Variants in IL1R1 observed in about 807,000 individuals in gnomAD.
The protein encoded by IL1R1 is interleukin 1 receptor type 1.
Under a neutral mutation model 50.2 loss-of-function variants are expected in IL1R1, and 22 were observed. That is an observed-to-expected ratio of 0.44 (90% CI 0.31 to 0.63). The LOEUF (loss-of-function observed/expected upper bound fraction) is 0.63. Ranked by LOEUF, IL1R1 falls within the 20% of genes least tolerant of loss-of-function variation. The pLI, the probability that IL1R1 is intolerant of heterozygous loss-of-function variation, is 0.07. For missense variants in IL1R1, 509 were observed against 676.2 expected, an observed-to-expected ratio of 0.75 and a Z score of 2.74; for synonymous variants, 251 against 236.7, an observed-to-expected ratio of 1.06 and a Z score of -0.55.
chr2:102,174,792 G>A lies in IL1R1; in HGVS notation c.1135+62G>A, dbSNP rs1685977265. The stretch of plus-strand genomic sequence containing the variant: ...AGATAAGGGATAGTTAGGAGATGTA[G>A]AAGATGACTAAGAGGGTTTTTACTA... On this transcript the variant is annotated intron_variant, in intron 10 of 11. Transcript: ENST00000410023. 2.1e-6 allele frequency: 3 copies of A among 1,402,068 alleles called. No homozygotes were observed. The African/African-American group carries it at 4.4e-5, about 20-fold the overall frequency. The allele number at this position is 1,402,068 out of a possible 1,614,324, so 86.9% of individuals were successfully genotyped here.
intron 2 of IL1R1, among the ~76,000 whole-genome samples, chr2:102,155,147 A>T (rs1577982782): frequency 6.6e-6 from 1 of 152,264 alleles, no homozygotes; most frequent in East Asian, 1.9e-4. Flanking sequence ...TGGTTAACTG[A>T]AAACATTTTA....
chr2:102,152,902 A>T (rs1371272834), intron 1 of IL1R1, among the ~76,000 whole-genome samples: 2 of 152,176 alleles, frequency 1.3e-5, no homozygotes, highest in Non-Finnish European at 2.9e-5. Context: ...GTGTTGAACT[A>T]GTCAGGCTGT....
chr2:102,151,179 C>T (rs922012291), intron 1 of IL1R1, among the ~76,000 whole-genome samples: 1 of 152,124 alleles, frequency 6.6e-6, no homozygotes, highest in Non-Finnish European at 1.5e-5. Context: ...GTTCCCTCTC[C>T]TCAGGGTCAT....
intron 1 of IL1R1, among the ~76,000 whole-genome samples, chr2:102,122,799 C>G (rs1681472702): frequency 6.6e-6 from 1 of 152,224 alleles, no homozygotes; most frequent in Admixed American, 6.5e-5. Flanking sequence ...AACACAGTCA[C>G]TCTGCATCTC....
chr2:102,131,285 A>G lies in IL1R1; in HGVS notation c.-83-22656A>G, dbSNP rs567103625. On this transcript the variant is annotated intron_variant, in intron 1 of 10. Coordinates refer to the IL1R1 transcript ENST00000409329. ...ATTCTCAATAACTCAAATGCATCCT[A>G]AGACACAAAAATATTCAGCATCTAA... Among the ~76,000 whole-genome samples, 115 of 152,312 alleles carry G rather than the reference A, an allele frequency of 7.6e-4. 4 individuals are homozygous for G. The South Asian group carries it at 0.023, about 31-fold the overall frequency.
intron 1 of IL1R1, among the ~76,000 whole-genome samples, chr2:102,127,657 CTGTG>C (rs60587758): frequency 0.032 from 4,624 of 144,806 alleles, 84 homozygotes; most frequent in Middle Eastern, 0.057. Context: ...GTGTGTGTGA[CTGTG>C]TGTGTGTGTG....
At chr2:102,152,429 C>T (rs941086757) in intron 1 of IL1R1, among the ~76,000 whole-genome samples, 5 of 133,776 alleles carry the variant, frequency 3.7e-5, no homozygotes, top group Admixed American at 8.8e-5. Context: ...GGCCTGGATG[C>T]GGGAGGCAGA....
chr2:102,121,953 T>G (rs915399054), intron 1 of IL1R1, among the ~76,000 whole-genome samples: 3 of 152,174 alleles, frequency 2.0e-5, no homozygotes, highest in African/African-American at 7.2e-5. Context: ...ATGCCTCTCC[T>G]TTAAAAATGT....
intron 1 of IL1R1, among the ~76,000 whole-genome samples, chr2:102,136,559 G>A (rs977184799): frequency 6.6e-6 from 1 of 151,950 alleles, no homozygotes; most frequent in East Asian, 1.9e-4. Flanking sequence ...TGTATCTTTA[G>A]TAGAGACGGG....
intron 7 of IL1R1, among the ~76,000 whole-genome samples, chr2:102,171,075 G>T (rs945794048): frequency 2.0e-5 from 3 of 152,098 alleles, no homozygotes; most frequent in Non-Finnish European, 2.9e-5. Flanking sequence ...TTTAAAAATG[G>T]AATTAAATAA....
chr2:102,136,570 GT>G (rs1000158004), intron 1 of IL1R1, among the ~76,000 whole-genome samples: 4 of 151,960 alleles, frequency 2.6e-5, no homozygotes, highest in African/African-American at 9.7e-5. Flanking sequence ...TAGAGACGGG[GT>G]TTCCCCATGT....
At chr2:102,145,836 G>A (rs1683070166) in intron 1 of IL1R1, among the ~76,000 whole-genome samples, 1 of 152,172 alleles carries the variant, frequency 6.6e-6, no homozygotes, top group South Asian at 2.1e-4. Flanking sequence ...GAGGCGTGCT[G>A]GGCACGGGTA....
chr2:102,172,895 C>A, intron 9 of IL1R1, 57 bp downstream of exon 9: 1 of 1,296,292 alleles, frequency 7.7e-7, no homozygotes, highest in Non-Finnish European at 1.1e-6. Context: ...GATTCCATGA[C>A]TTTGAAGTTT....
At chr2:102,153,306 C>T (rs545890699) in intron 1 of IL1R1, among the ~76,000 whole-genome samples, 48 of 152,232 alleles carry the variant, frequency 3.2e-4, no homozygotes, top group African/African-American at 1.0e-3. Context: ...ATTTCTGCAC[C>T]CCGGTGTCTA....
intron 1 of IL1R1, among the ~76,000 whole-genome samples, chr2:102,073,250 G>A (rs973180355): frequency 3.9e-5 from 6 of 152,086 alleles, no homozygotes; most frequent in South Asian, 2.1e-4. Context: ...GATACAATAC[G>A]GTGAACATCA....
intron 1 of IL1R1, among the ~76,000 whole-genome samples, chr2:102,124,172 A>G (rs1045554334): frequency 7.2e-5 from 11 of 152,188 alleles, no homozygotes; most frequent in Admixed American, 3.9e-4. Context: ...CTGTGGTCTC[A>G]GCATTTTGGG....
chr2:102,172,410 C>A (rs1008426337), intron 8 of IL1R1: 11 of 985,194 alleles, frequency 1.1e-5, no homozygotes, highest in African/African-American at 1.7e-5. Flanking sequence ...CCTCTGTGCC[C>A]CATGGAGAAC....
upstream of IL1R1, among the ~76,000 whole-genome samples, chr2:102,137,999 C>A (rs999546694): frequency 3.9e-5 from 6 of 152,100 alleles, no homozygotes; most frequent in African/African-American, 7.2e-5. Flanking sequence ...TGTGGAATTA[C>A]AAGGGAAAGA....
chr2:102,125,577 G>C (rs1681666703), intron 1 of IL1R1, among the ~76,000 whole-genome samples: 1 of 152,234 alleles, frequency 6.6e-6, no homozygotes, highest in African/African-American at 2.4e-5. Flanking sequence ...ATCTAAAAGG[G>C]AGAAAGAAAC....
Sources: gnomAD v4.1 joint callset for allele counts (sites outside exome capture counted in the v4.1 genomes callset) on GRCh38, gnomAD v4.1.1 for gene constraint, MANE v1.5 for transcripts, NCBI Gene and HGNC (gene_info 2026-07-23, HGNC 2026-07-21) for gene names.